PIK3C2B: variants seen among roughly 807,000 people sequenced by gnomAD.
The protein encoded by PIK3C2B is phosphatidylinositol-4-phosphate 3-kinase catalytic subunit type 2 beta, also known as phosphatidylinositol 4-phosphate 3-kinase C2 domain-containing subunit beta.
Under a neutral mutation model 184.3 loss-of-function variants are expected in PIK3C2B, and 83 were observed. That is an observed-to-expected ratio of 0.45 (90% CI 0.38 to 0.54). PIK3C2B has a LOEUF of 0.54. PIK3C2B is among the 20% of genes least tolerant of loss of function. The pLI, the probability that PIK3C2B is intolerant of heterozygous loss-of-function variation, is 0.00. For missense variants in PIK3C2B, 1,736 were observed against 2,113.5 expected (o/e 0.82, Z 3.50); for synonymous variants, 779 against 837.6 (o/e 0.93, Z 1.21).
chr1:204,470,522 C>A (rs1019334503), intron 1 of PIK3C2B, among the ~76,000 whole-genome samples: 4 of 152,208 alleles, frequency 2.6e-5, no homozygotes, highest in African/African-American at 4.8e-5. Context: ...CTTCTCCAGT[C>A]AATTTGAAGA....
chr1:204,428,937 A>T (rs547523728), intron 29 of PIK3C2B: 24 of 454,938 alleles, frequency 5.3e-5, no homozygotes, highest in South Asian at 3.7e-4. Flanking sequence ...TAAAAAGAAA[A>T]AACAGGCCGA....
chr1:204,460,069 A>C, intron 7 of PIK3C2B, 128 bp from the exon 8 acceptor site: 2 of 774,122 alleles, frequency 2.6e-6, no homozygotes, highest in Non-Finnish European at 4.4e-6. Context: ...CTCTTTCTAT[A>C]TGTCCTGTGA....
chr1:204,450,452 C>G (rs1012440805), intron 12 of PIK3C2B, among the ~76,000 whole-genome samples: 27 of 152,216 alleles, frequency 1.8e-4, no homozygotes, highest in South Asian at 4.1e-4. Context: ...ATCCCTCCCC[C>G]ACTTCTTGCT....
intron 1 of PIK3C2B, chr1:204,490,015 G>C (rs1657906750): frequency 1.8e-5 from 7 of 397,280 alleles, no homozygotes; most frequent in Non-Finnish European, 3.1e-5. Flanking sequence ...GCTTAGCGAG[G>C]CTTGAGGAAT....
intron 1 of PIK3C2B, among the ~76,000 whole-genome samples, chr1:204,491,731 C>T (rs1022948199): frequency 1.3e-5 from 2 of 152,202 alleles, no homozygotes; most frequent in African/African-American, 4.8e-5. Context: ...CCCAATATCT[C>T]TCTGAGTAGC....
intron 3 of PIK3C2B, among the ~76,000 whole-genome samples, chr1:204,464,890 A>C (rs541118829): frequency 2.0e-5 from 3 of 152,314 alleles, no homozygotes; most frequent in Non-Finnish European, 4.4e-5. Context: ...TTTTTTATGA[A>C]TCCATTTCCT....
At chr1:204,442,062 C>T (rs746825077) in intron 20 of PIK3C2B, among the ~76,000 whole-genome samples, 3 of 152,166 alleles carry the variant, frequency 2.0e-5, no homozygotes, top group Non-Finnish European at 4.4e-5. Flanking sequence ...AGAAAGACAC[C>T]TGCCTAGCCG....
chr1:204,455,588 G>C (rs1011651655), intron 11 of PIK3C2B, among the ~76,000 whole-genome samples: 9 of 152,108 alleles, frequency 5.9e-5, no homozygotes, highest in African/African-American at 2.2e-4. Context: ...GGATCTGGAG[G>C]GGGCAGGGAT....
At chr1:204,451,501 G>A (rs3014638) in intron 12 of PIK3C2B, among the ~76,000 whole-genome samples, 129,944 of 152,038 alleles carry the variant, frequency 0.85, 58,282 homozygotes, top group Non-Finnish European at 0.99. Context: ...TCCCTGAGAA[G>A]CCCCTCTCCT....
rs1655592348 is a variant in PIK3C2B, at chr1:204,464,485, T to C, written c.1154A>G (p.Asp385Gly). The change falls in exon 4 of 33, where the codon GAC becomes GGC. Residue 385 changes from aspartate to glycine, a missense_variant. Asp to Gly is a moderately conservative substitution (Grantham distance 94, BLOSUM62 -1). Transcript: ENST00000684373. Reference protein sequence around the residue: ...EVNLKVTVLCDRLQEALTFTC... With the variant: ...EVNLKVTVLCGRLQEALTFTC... ...GAAAGTGAGTGCCTCTTGAAGCCTG[T>C]CACACAACACAGTCACCTTCAGGTT... The C allele has an allele frequency of 2.5e-6, 4 of 1,613,664 alleles. No homozygotes were observed. In the South Asian group the frequency reaches 4.4e-5, roughly 18 times the overall value.
At chr1:204,478,746 C>T (rs1202030952) in intron 1 of PIK3C2B, among the ~76,000 whole-genome samples, 2 of 152,204 alleles carry the variant, frequency 1.3e-5, no homozygotes, top group Admixed American at 6.5e-5. Flanking sequence ...TTATTCTACT[C>T]TCTGGGCATA....
chr1:204,428,183 C>G lies in PIK3C2B; in HGVS notation c.4436G>C (p.Arg1479Pro), dbSNP rs777631423. ...LVYTFFHPLP[R>P]DEKAMGTSPA... ...GCTGGTGCCCATAGCCTTCTCATCC[C>G]GGGGCAGTGGGTGGAAGAAGGTGTA... Residue 1479 changes from arginine (R) to proline (P), a missense_variant, in exon 30 of 33, where the codon CGG becomes CCG. By Grantham distance (103) the Arg-to-Pro change is moderately radical. Coordinates refer to ENST00000684373, the MANE Select transcript of PIK3C2B (RefSeq NM_001377334.1). 3 of 1,612,854 alleles carry G rather than the reference C, an allele frequency of 1.9e-6. No homozygotes were observed. The highest frequency in any genetic ancestry group is 2.5e-6 in the Non-Finnish European group (3 of 1,179,142).
intron 12 of PIK3C2B, 99 bp from the exon 13 acceptor site, chr1:204,450,116 G>T: frequency 1.9e-6 from 2 of 1,036,086 alleles, no homozygotes; most frequent in Non-Finnish European, 1.4e-6. Context: ...TGAGGATACA[G>T]CCTCCCTCTC....
At chr1:204,456,900 A>ACACACACC (rs796339986) in intron 10 of PIK3C2B, 137 bp downstream of exon 10, 1 of 420,400 alleles carries the variant, frequency 2.4e-6, no homozygotes, top group East Asian at 4.7e-5. Context: ...ACACACACAC[A>ACACACACC]CACACACCCA....
intron 13 of PIK3C2B, among the ~76,000 whole-genome samples, chr1:204,449,522 G>A (rs907491954): frequency 6.6e-6 from 1 of 152,172 alleles, no homozygotes; most frequent in African/African-American, 2.4e-5. Context: ...ATGACCTGGT[G>A]GCAGGGATGC....
Position 204,447,708 on chromosome 1 carries a change from C to T in PIK3C2B, c.2347-130G>A, listed in dbSNP as rs1273145200. On this transcript the variant is annotated intron_variant, in intron 14 of 32. Coordinates refer to ENST00000684373, the MANE Select transcript of PIK3C2B (RefSeq NM_001377334.1). This position sits in a 1 kb window ranked among gnomAD's most constrained non-coding sequence, Gnocchi z 4.1. ...TTCCCTCAGGTTCTTTGTAAAATAG[C>T]CCTGTTAGACTTGGTGATCTCTAAA... is the stretch of plus-strand genomic sequence containing the variant. The T allele has an allele frequency of 3.5e-5, 22 of 633,828 alleles. No individual in the cohort carries two copies. The highest frequency in any genetic ancestry group is 1.1e-4 in the Admixed American group (4 of 36,166). 39.3% of individuals were successfully genotyped at this position (633,828 alleles called of 1,614,324 possible). A position where few individuals can be genotyped will look rare whatever the true frequency, so the allele number is the denominator to read the frequency against.
rs999894443 is a variant in PIK3C2B at position 204,464,202 on chromosome 1, C to A, written c.1190-70G>T. On this transcript the variant is annotated intron_variant, in intron 4 of 32. Coordinates refer to ENST00000684373, the MANE Select transcript of PIK3C2B (RefSeq NM_001377334.1). ...GCAGATGGGTCTCAGTTTCCCCACC[C>A]TGATCCCCCTTTCCAGCTAAGTATT... The A allele has an allele frequency of 7.1e-6, 11 of 1,547,072 alleles. No homozygotes were observed. In the African/African-American group the frequency reaches 1.5e-4, roughly 21 times the overall value.
At chr1:204,459,984 A>G (rs1310224256) in intron 7 of PIK3C2B, 43 bp from the exon 8 acceptor site, 5 of 1,547,900 alleles carry the variant, frequency 3.2e-6, no homozygotes, top group Non-Finnish European at 4.5e-6. Flanking sequence ...GAGGTCATGA[A>G]AGACCCAGTG....
intron 19 of PIK3C2B, among the ~76,000 whole-genome samples, chr1:204,443,023 T>C (rs61763418): frequency 0.022 from 3,332 of 152,334 alleles, 141 homozygotes; most frequent in African/African-American, 0.076. Flanking sequence ...GGTTACAATG[T>C]CTTCGTACAA....
Sources: allele counts gnomAD v4.1 joint callset (sites outside exome capture counted in the v4.1 genomes callset), GRCh38; gene constraint gnomAD v4.1.1; non-coding constraint Gnocchi (gnomAD v3.1); transcripts MANE v1.5; gene names NCBI Gene and HGNC (gene_info 2026-07-23, HGNC 2026-07-21).